Variants in ANO6 observed in about 807,000 individuals in gnomAD.
ANO6 encodes anoctamin-6.
ANO6 carries 106 observed loss-of-function variants against 117.5 expected under a neutral mutation model. The observed-to-expected ratio is 0.90, with a 90% confidence interval of 0.77 to 1.06. The LOEUF (loss-of-function observed/expected upper bound fraction) is 1.06. ANO6 is among the 50% of genes least tolerant of loss of function. The pLI, the probability that ANO6 is intolerant of heterozygous loss-of-function variation, is 0.00. For synonymous variants in ANO6, 367 were observed against 385.1 expected (o/e 0.95, Z 0.55); for missense variants, 955 against 1,121.1 (o/e 0.85, Z 2.12).
chr12:45,291,889 C>A lies in ANO6; in HGVS notation c.71-10125C>A, dbSNP rs191181188. Among the ~76,000 whole-genome samples the A allele has an allele frequency of 7.9e-3, 1,208 of 152,170 alleles. 17 individuals carry two copies. The highest frequency in any genetic ancestry group is 0.026 in the African/African-American group (1,070 of 41,510). ...TGATGGGACTGTAAAATGGTGCAGG[C>A]ATTGTGAAAACAATTTGGCAATTCC... On this transcript the variant is annotated intron_variant, in intron 1 of 19. Transcript: ENST00000320560.
At chr12:45,221,453 G>A (rs1947397508) in intron 1 of ANO6, among the ~76,000 whole-genome samples, 1 of 152,210 alleles carries the variant, frequency 6.6e-6, no homozygotes, top group Non-Finnish European at 1.5e-5. Context: ...TTGCCTGCTA[G>A]GGAAGGCAGG....
At chr12:45,223,601 C>G (rs1316231674) in intron 1 of ANO6, among the ~76,000 whole-genome samples, 1 of 152,116 alleles carries the variant, frequency 6.6e-6, no homozygotes, top group Non-Finnish European at 1.5e-5. Context: ...ATGCAGTTAG[C>G]ATTCATCCTG....
At chr12:45,372,335 C>T (rs1565727699) in intron 9 of ANO6, among the ~76,000 whole-genome samples, 1 of 134,890 alleles carries the variant, frequency 7.4e-6, no homozygotes, top group Non-Finnish European at 1.6e-5. Flanking sequence ...GGCAGGCCAA[C>T]GTTCAGATTC....
intron 1 of ANO6, among the ~76,000 whole-genome samples, chr12:45,246,055 T>A (rs2137176385): frequency 6.6e-6 from 1 of 152,198 alleles, no homozygotes; most frequent in South Asian, 2.1e-4. Flanking sequence ...TCTGAAAATA[T>A]CAGGAGAGAA....
At chr12:45,399,230 T>G (rs116984047) in intron 12 of ANO6, among the ~76,000 whole-genome samples, 149 of 152,304 alleles carry the variant, frequency 9.8e-4, no homozygotes, top group Non-Finnish European at 1.7e-3. Context: ...AGGTTCTCGC[T>G]CTGTCGCCCA....
intron 1 of ANO6, among the ~76,000 whole-genome samples, chr12:45,226,522 ATG>A (rs57736275): frequency 0.01 from 1,580 of 152,248 alleles, 31 homozygotes; most frequent in African/African-American, 0.036. Flanking sequence ...ATGCAAATAG[ATG>A]TTCTTTTACA....
chr12:45,288,953 G>A (rs1025926101), intron 1 of ANO6, among the ~76,000 whole-genome samples: 1 of 151,290 alleles, frequency 6.6e-6, no homozygotes, highest in African/African-American at 2.4e-5. Flanking sequence ...GGGTTTCACC[G>A]TGTTAGCCAG....
At chr12:45,340,061 T>C (rs144410503) in intron 3 of ANO6, among the ~76,000 whole-genome samples, 1 of 152,156 alleles carries the variant, frequency 6.6e-6, no homozygotes, top group Non-Finnish European at 1.5e-5. Context: ...GTACTATTAC[T>C]GTGTAATTCG....
At chr12:45,352,727 C>CAAAAAAAAA (rs34198115) in intron 7 of ANO6, among the ~76,000 whole-genome samples, 10 of 118,230 alleles carry the variant, frequency 8.5e-5, no homozygotes, top group African/African-American at 2.8e-4. Flanking sequence ...ACCCTGTCTC[C>CAAAAAAAAA]AAAAAAAAAA....
intron 6 of ANO6, among the ~76,000 whole-genome samples, chr12:45,349,353 A>G (rs1389844767): frequency 1.3e-5 from 2 of 152,170 alleles, no homozygotes; most frequent in Non-Finnish European, 2.9e-5. Context: ...ACATTTTTTT[A>G]AGGACTACAT....
chr12:45,396,343 G>A (rs529993830), intron 12 of ANO6, among the ~76,000 whole-genome samples: 1 of 152,082 alleles, frequency 6.6e-6, no homozygotes. Flanking sequence ...AAATAAAAGA[G>A]AACACAAACA....
chr12:45,309,532 T>A (rs558738016), intron 2 of ANO6, among the ~76,000 whole-genome samples: 1 of 152,196 alleles, frequency 6.6e-6, no homozygotes, highest in East Asian at 1.9e-4. Context: ...CTTGCAGGTT[T>A]TGTCTCAAAG....
chr12:45,373,686 G>A (rs868498356), intron 9 of ANO6, among the ~76,000 whole-genome samples: 2,072 of 152,054 alleles, frequency 0.014, 41 homozygotes, highest in African/African-American at 0.047. Context: ...ACAACATACC[G>A]GAATCTCTGG....
intron 2 of ANO6, among the ~76,000 whole-genome samples, chr12:45,308,936 C>T (rs1421177835): frequency 1.3e-5 from 2 of 151,802 alleles, no homozygotes; most frequent in Non-Finnish European, 2.9e-5. Context: ...GAATGTGGCC[C>T]TAAAGATGGA....
At chr12:45,427,874 G>C (rs941792611) in intron 19 of ANO6, among the ~76,000 whole-genome samples, 41 of 150,548 alleles carry the variant, frequency 2.7e-4, no homozygotes, top group African/African-American at 1.0e-3. Flanking sequence ...GGAAGATGGA[G>C]GTTGCAGTGG....
chr12:45,337,381 G>C (rs1465481212), intron 3 of ANO6, among the ~76,000 whole-genome samples: 2 of 152,080 alleles, frequency 1.3e-5, no homozygotes, highest in Admixed American at 6.6e-5. Context: ...ATGCAGTGCA[G>C]GATTGTAGCC....
At chr12:45,247,789 G>T (rs1376299159) in intron 1 of ANO6, among the ~76,000 whole-genome samples, 1 of 152,088 alleles carries the variant, frequency 6.6e-6, no homozygotes, top group African/African-American at 2.4e-5. Context: ...CCCTTGTGAG[G>T]GCCCCACCCT....
At chr12:45,367,369 A>G (rs990435668) in intron 8 of ANO6, among the ~76,000 whole-genome samples, 4 of 152,264 alleles carry the variant, frequency 2.6e-5, no homozygotes, top group Non-Finnish European at 5.9e-5. Flanking sequence ...TAGTAATAAC[A>G]GTTCTCTTTC....
rs2137545693 is a variant in ANO6, at chr12:45,378,053, A to G, written c.1105A>G (p.Lys369Glu). Residue 369 changes from lysine (K) to glutamate (E), a missense_variant and splice_region_variant, in exon 10 of 20, where the codon AAA becomes GAA. Physicochemically the swap from Lys to Glu is moderately conservative, Grantham distance 56. Coordinates refer to ENST00000320560, the MANE Select transcript of ANO6 (RefSeq NM_001025356.3). Reference protein sequence around the residue: ...KLNITCESSKKLCIFDSFGTL... With the variant: ...KLNITCESSKELCIFDSFGTL... Reference sequence around the variant, plus strand: ...TTTATATGTCATTTATATTTTCCAGAAATTGTGCATCTTCGACAGTTTTGG... The same window carrying G: ...TTTATATGTCATTTATATTTTCCAGGAATTGTGCATCTTCGACAGTTTTGG... 2 of 1,612,684 alleles carry G rather than the reference A, an allele frequency of 1.2e-6. No homozygotes were observed. Among genetic ancestry groups the G allele is most frequent in the South Asian group, 2.2e-5 (2 of 91,048 alleles).
Sources: allele counts gnomAD v4.1 joint callset (sites outside exome capture counted in the v4.1 genomes callset), GRCh38; gene constraint gnomAD v4.1.1; transcripts MANE v1.5; gene names NCBI Gene and HGNC (gene_info 2026-07-23, HGNC 2026-07-21).